REEP1: variants seen among roughly 807,000 people sequenced by gnomAD.
The protein encoded by REEP1 is receptor expression-enhancing protein 1.
In REEP1, 22 loss-of-function variants were observed where a neutral mutation model predicts 40.3. The observed-to-expected ratio is 0.55, with a 90% CI of 0.39 to 0.78. The LOEUF is 0.78. REEP1 is among the 30% of genes least tolerant of loss of function. The pLI is 0.00. For synonymous variants in REEP1, 116 were observed against 139.2 expected (o/e 0.83, Z 1.17); for missense variants, 280 against 361.1 (o/e 0.78, Z 1.82).
At chr2:86,311,259 G>A (rs1315882574) in intron 1 of REEP1, among the ~76,000 whole-genome samples, 1 of 152,190 alleles carries the variant, frequency 6.6e-6, no homozygotes, top group Non-Finnish European at 1.5e-5. Flanking sequence ...GCCAGGTTCT[G>A]CCCGCATGGT....
chr2:86,303,053 A>AT (rs1014816599), intron 1 of REEP1, among the ~76,000 whole-genome samples: 17 of 152,064 alleles, frequency 1.1e-4, no homozygotes, highest in African/African-American at 4.1e-4. Flanking sequence ...AAATATTTTT[A>AT]TTTTTTAGAA....
intron 5 of REEP1, chr2:86,239,848 G>T (rs1675576015): frequency 6.6e-6 from 1 of 152,258 alleles, no homozygotes; most frequent in Non-Finnish European, 1.5e-5. Flanking sequence ...CGATGAAGTG[G>T]GGCCTGGCTC....
At chr2:86,293,389 C>A (rs1021294781) in intron 1 of REEP1, among the ~76,000 whole-genome samples, 1 of 152,118 alleles carries the variant, frequency 6.6e-6, no homozygotes, top group Non-Finnish European at 1.5e-5. Flanking sequence ...GGCAAAACTA[C>A]GGAGATAGAA....
intron 1 of REEP1, among the ~76,000 whole-genome samples, chr2:86,302,901 G>T (rs1421646948): frequency 6.6e-6 from 1 of 152,074 alleles, no homozygotes; most frequent in Non-Finnish European, 1.5e-5. Context: ...ATCCATGACA[G>T]ATCCTTTGTA....
chr2:86,278,808 C>T (rs977875898), intron 2 of REEP1, among the ~76,000 whole-genome samples: 1 of 152,190 alleles, frequency 6.6e-6, no homozygotes, highest in Non-Finnish European at 1.5e-5. Flanking sequence ...GTCAGCACCA[C>T]CCAGCCTCCT....
chr2:86,226,532 G>C (rs1179108047), intron 7 of REEP1, among the ~76,000 whole-genome samples: 11 of 143,954 alleles, frequency 7.6e-5, no homozygotes, highest in Admixed American at 7.1e-4. Context: ...GCAATGGCAC[G>C]ATCATGGCTC....
At chr2:86,255,372 A>T (rs1489654910) in intron 3 of REEP1, among the ~76,000 whole-genome samples, 1 of 152,220 alleles carries the variant, frequency 6.6e-6, no homozygotes, top group Non-Finnish European at 1.5e-5. Context: ...AGGAAGGAGA[A>T]TGCTACTCAC....
intron 1 of REEP1, among the ~76,000 whole-genome samples, chr2:86,322,306 G>C (rs549328849): frequency 6.6e-6 from 1 of 152,298 alleles, no homozygotes; most frequent in South Asian, 2.1e-4. Context: ...CACTTTGGGA[G>C]GCCGAGGTGG....
At chr2:86,283,561 G>T (rs1043053739) in intron 1 of REEP1, among the ~76,000 whole-genome samples, 2 of 152,126 alleles carry the variant, frequency 1.3e-5, no homozygotes, top group African/African-American at 2.4e-5. Context: ...TACCAAGCAG[G>T]GGTCAGCTTT....
intron 5 of REEP1, among the ~76,000 whole-genome samples, chr2:86,250,005 T>C (rs1038919977): frequency 6.6e-6 from 1 of 152,254 alleles, no homozygotes; most frequent in Non-Finnish European, 1.5e-5. Context: ...AGTTATTTCC[T>C]GAGGCAACTT....
At chr2:86,258,329 T>C (rs1157871126) in intron 3 of REEP1, among the ~76,000 whole-genome samples, 2 of 152,256 alleles carry the variant, frequency 1.3e-5, no homozygotes, top group East Asian at 3.8e-4. Flanking sequence ...AACACTGTTA[T>C]GCACAATGAT....
At chr2:86,263,616 C>G (rs1676978222) in intron 3 of REEP1, among the ~76,000 whole-genome samples, 1 of 152,196 alleles carries the variant, frequency 6.6e-6, no homozygotes, top group Non-Finnish European at 1.5e-5. Context: ...GAAGGAAACT[C>G]AGTTTTTCCT....
chr2:86,310,765 G>A (rs575383722), intron 1 of REEP1, among the ~76,000 whole-genome samples: 1 of 151,992 alleles, frequency 6.6e-6, no homozygotes, highest in South Asian at 2.1e-4. Context: ...TAATAACAAT[G>A]TACGGTGTAT....
rs944896060 is a variant in REEP1 at position 86,215,045 on chromosome 2, T to G, written c.*1994A>C. 1 of 148,926 alleles carries G rather than the reference T, an allele frequency of 6.7e-6. No homozygotes were observed. Among genetic ancestry groups the G allele is most frequent in the Non-Finnish European group, 1.5e-5 (1 of 67,406 alleles). The allele number at this position is 148,926 out of a possible 1,614,324, so 9.2% of individuals were successfully genotyped here. A position where few individuals can be genotyped will look rare whatever the true frequency, so the allele number is the denominator to read the frequency against. ...AAGCTTTTTTTTTTTTTTTTTTTTTTTGCATTCGTTTCTGATAATTCTGGG... is the reference window on the plus strand; with the variant it reads ...AAGCTTTTTTTTTTTTTTTTTTTTTGTGCATTCGTTTCTGATAATTCTGGG... On this transcript the variant is annotated 3_prime_UTR_variant, in exon 9 of 9. Coordinates refer to ENST00000538924, the MANE Select transcript of REEP1 (RefSeq NM_001371279.1).
rs76780084 is a variant in REEP1 at position 86,239,107 on chromosome 2, T to C, written c.418-6305A>G. On this transcript the variant is annotated intron_variant, in intron 5 of 8. Transcript: ENST00000538924. ...CATTACCTTTAAAAAATCAGTACAA[T>C]TTAATTTTCAGTAACACCCACAGCA... 4.5e-3 allele frequency among the ~76,000 whole-genome samples: 668 copies of C among 149,938 alleles called. 12 individuals are homozygous for C. The highest frequency in any genetic ancestry group is 0.016 in the African/African-American group (645 of 40,790).
intron 2 of REEP1, among the ~76,000 whole-genome samples, chr2:86,279,112 G>A (rs1460515604): frequency 6.6e-6 from 1 of 152,188 alleles, no homozygotes; most frequent in Non-Finnish European, 1.5e-5. Flanking sequence ...CTAGGGGAAT[G>A]TGTGTCAAAA....
chr2:86,314,328 T>C (rs1479086053), intron 1 of REEP1, among the ~76,000 whole-genome samples: 1 of 152,090 alleles, frequency 6.6e-6, no homozygotes, highest in Non-Finnish European at 1.5e-5. Context: ...TGGAGTCTCA[T>C]TAAACTGGAT....
At chr2:86,268,236 T>C (rs1274257277) in intron 2 of REEP1, among the ~76,000 whole-genome samples, 1 of 152,086 alleles carries the variant, frequency 6.6e-6, no homozygotes, top group African/African-American at 2.4e-5. Context: ...ACTGTCTACG[T>C]AGAAAATCCC....
chr2:86,273,409 G>C, intron 2 of REEP1, among the ~76,000 whole-genome samples: 1 of 151,424 alleles, frequency 6.6e-6, no homozygotes, highest in Non-Finnish European at 1.5e-5. Flanking sequence ...TCAGCGTCTT[G>C]AGTAGCTGGG....
Sources: gnomAD v4.1 joint callset for allele counts (sites outside exome capture counted in the v4.1 genomes callset) on GRCh38, gnomAD v4.1.1 for gene constraint, MANE v1.5 for transcripts, NCBI Gene and HGNC (gene_info 2026-07-23, HGNC 2026-07-21) for gene names.